The following GASK1A variants were observed in gnomAD, a reference collection of about 807,000 sequenced individuals.
The protein encoded by GASK1A is Golgi-associated kinase 1A.
A neutral mutation model predicts 41.2 loss-of-function variants in GASK1A; 40 were observed. That is an observed-to-expected ratio of 0.97 (90% CI 0.75 to 1.27). The LOEUF is 1.27. Among genes scored for constraint, GASK1A ranks in the 50% most tolerant of loss-of-function variants. The probability of loss-of-function intolerance (pLI) is 0.00; values close to 1 mark genes in which losing one functional copy is unlikely to be tolerated. For synonymous variants in GASK1A, 316 were observed against 307.1 expected (o/e 1.03, Z -0.30); for missense variants, 678 against 745.1 (o/e 0.91, Z 1.05).
chr3:43,025,292 A>G (rs557175282), intron 1 of GASK1A, among the ~76,000 whole-genome samples: 6 of 152,208 alleles, frequency 3.9e-5, no homozygotes, highest in South Asian at 4.2e-4. Flanking sequence ...AAAAATTTGC[A>G]AGACTTAGAT....
At position 43,029,036 on chromosome 3, in the gene GASK1A, C is replaced by T. The variant is rs1176163968; in HGVS notation, c.4-3231C>T. ...GGTGAGGGGGGAAGATATTTTAGCA[C>T]GTGGGTGCCAGAGGCCAGAGGGGAT... On this transcript the variant is annotated intron_variant, in intron 1 of 4. Transcript: ENST00000430121. 1.8e-4 allele frequency among the ~76,000 whole-genome samples: 28 copies of T among 152,080 alleles called. 1 individual carries two copies. Among genetic ancestry groups the T allele is most frequent in the Admixed American group, 1.7e-3 (26 of 15,276 alleles).
At chr3:43,021,380 C>T (rs552432875) in intron 1 of GASK1A, among the ~76,000 whole-genome samples, 1 of 152,276 alleles carries the variant, frequency 6.6e-6, no homozygotes, top group East Asian at 1.9e-4. Context: ...TTTCTCACTG[C>T]CCAGGTGGCT....
intron 1 of GASK1A, among the ~76,000 whole-genome samples, chr3:43,011,699 G>A (rs2089464267): frequency 6.6e-6 from 1 of 152,132 alleles, no homozygotes; most frequent in African/African-American, 2.4e-5. Context: ...ACAGGAAGGG[G>A]CTGTGTGGAG....
At chr3:43,037,974 T>C (rs2089613544) in intron 2 of GASK1A, among the ~76,000 whole-genome samples, 2 of 152,358 alleles carry the variant, frequency 1.3e-5, no homozygotes, top group Non-Finnish European at 2.9e-5. Context: ...GTTGATGTGG[T>C]TCTTTTGTGT....
At chr3:43,025,139 C>T (rs2089540820) in intron 1 of GASK1A, among the ~76,000 whole-genome samples, 1 of 152,128 alleles carries the variant, frequency 6.6e-6, no homozygotes, top group Non-Finnish European at 1.5e-5. Context: ...GGATATGATC[C>T]AGTTTGTGGC....
intron 2 of GASK1A, among the ~76,000 whole-genome samples, chr3:43,043,369 CT>C (rs1457756779): frequency 6.6e-6 from 1 of 152,236 alleles, no homozygotes; most frequent in Non-Finnish European, 1.5e-5. Context: ...CCTGGTATCC[CT>C]TCTTGGCAGA....
Position 43,055,745 on chromosome 3 carries a change from C to G in GASK1A, c.1517+210C>G. 7 of 550,984 alleles carry G rather than the reference C, an allele frequency of 1.3e-5. No individual in the cohort carries two copies. In the South Asian group the frequency reaches 1.4e-4, roughly 11 times the overall value. 34.1% of individuals were successfully genotyped at this position (550,984 alleles called of 1,614,324 possible). On this transcript the variant is annotated intron_variant, in intron 4 of 4. Coordinates refer to ENST00000430121, the MANE Select transcript of GASK1A (RefSeq NM_001129908.3). ...GCCTACCCCAATATCCAGAGGGCCT[C>G]GTGCCTGCAGAATACTAGCTGTATT...
intron 3 of GASK1A, 196 bp downstream of exon 3, chr3:43,053,839 G>A: frequency 1.4e-6 from 1 of 736,532 alleles, no homozygotes; most frequent in Non-Finnish European, 2.4e-6. Context: ...GGAGCTTTAA[G>A]AATGTGCCTG....
intron 1 of GASK1A, among the ~76,000 whole-genome samples, chr3:43,030,431 G>A (rs7643433): frequency 0.35 from 52,902 of 152,128 alleles, 9,828 homozygotes; most frequent in Non-Finnish European, 0.43. Flanking sequence ...AATGGGTTTC[G>A]TGGATGCTGC....
rs116426947 is a variant in GASK1A at position 42,999,404 on chromosome 3, G to A, written c.3+19759G>A. On this transcript the variant is annotated intron_variant, in intron 1 of 4. Coordinates refer to ENST00000430121, the MANE Select transcript of GASK1A (RefSeq NM_001129908.3). ...AGGTGCCCAGCAACCTCTGTCCTGG[G>A]TCTAGCTGTCAACCCCAAGCCTGCC... is the stretch of plus-strand genomic sequence containing the variant. Among the ~76,000 whole-genome samples the A allele has an allele frequency of 2.7e-3, 416 of 152,302 alleles. 2 individuals carry two copies. Among genetic ancestry groups the A allele is most frequent in the African/African-American group, 9.6e-3 (397 of 41,560 alleles).
chr3:43,018,902 A>G (rs2089507543), intron 1 of GASK1A, among the ~76,000 whole-genome samples: 1 of 152,158 alleles, frequency 6.6e-6, no homozygotes. Flanking sequence ...CTGGGGTGGC[A>G]CAGCAACTAG....
intron 1 of GASK1A, among the ~76,000 whole-genome samples, chr3:43,009,076 C>G (rs762225212): frequency 1.8e-4 from 27 of 152,244 alleles, no homozygotes; most frequent in Non-Finnish European, 3.2e-4. Context: ...TATGTTGAAT[C>G]CTCACAGCAA....
chr3:42,979,537 T>C lies in GASK1A; in HGVS notation c.-106T>C, dbSNP rs2089268887. Reference sequence around the variant, plus strand: ...GCCCCAGCCGAGTAGCCGCGCATCCTGGGAAGCCTGGCGAGCCACGGCGCC... The same window carrying C: ...GCCCCAGCCGAGTAGCCGCGCATCCCGGGAAGCCTGGCGAGCCACGGCGCC... On this transcript the variant is annotated 5_prime_UTR_variant, in exon 1 of 5. Coordinates refer to ENST00000430121, the MANE Select transcript of GASK1A (RefSeq NM_001129908.3). 8.4e-6 allele frequency: 10 copies of C among 1,184,476 alleles called. No homozygotes were observed. Among genetic ancestry groups the C allele is most frequent in the Non-Finnish European group, 9.5e-6 (9 of 942,702 alleles). The allele number at this position is 1,184,476 out of a possible 1,614,324, so 73.4% of individuals were successfully genotyped here. A position where few individuals can be genotyped will look rare whatever the true frequency, so the allele number is the denominator to read the frequency against.
Position 42,984,578 on chromosome 3 carries a change from G to GAA in GASK1A, c.3+4934_3+4935dup, listed in dbSNP as rs2089299104. Among the ~76,000 whole-genome samples, 1 of 152,182 alleles carries GAA rather than the reference G, an allele frequency of 6.6e-6. No homozygotes were observed. Among genetic ancestry groups the GAA allele is most frequent in the Non-Finnish European group, 1.5e-5 (1 of 68,026 alleles). ...AGGAAAGCAGGATGAGGGCTGATGT[G>GAA]AAGGGTGAGGAAACAGCAGGAGTAT... On this transcript the variant is annotated intron_variant, in intron 1 of 4. Transcript: ENST00000430121. This position sits in a 1 kb window ranked among gnomAD's most constrained non-coding sequence, Gnocchi z 4.2.
At chr3:43,045,606 G>A (rs2089657898) in intron 2 of GASK1A, among the ~76,000 whole-genome samples, 1 of 152,212 alleles carries the variant, frequency 6.6e-6, no homozygotes, top group Non-Finnish European at 1.5e-5. Flanking sequence ...AAACCACTGT[G>A]TTGGTAGCCT....
chr3:43,037,501 G>T, intron 2 of GASK1A: 1 of 498,788 alleles, frequency 2.0e-6, no homozygotes. Context: ...AGGTATTTAG[G>T]AATATCTGGA....
In GASK1A at chr3:43,044,146, G is replaced by A. The variant is rs186808877; in HGVS notation, c.1291-9375G>A. Among the ~76,000 whole-genome samples the A allele has an allele frequency of 4.0e-3, 609 of 152,298 alleles. 1 individual carries two copies. Among genetic ancestry groups the A allele is most frequent in the Middle Eastern group, 6.8e-3 (2 of 294 alleles). On this transcript the variant is annotated intron_variant, in intron 2 of 4. Transcript: ENST00000430121. ...CAGGGAGGGTTTGGTGGGAGCAAGG[G>A]GGTTTGGCTGACCATGCAGCAGGTG...
rs57113579 is a variant in GASK1A, at chr3:43,011,054, T to G, written c.4-21213T>G. Among the ~76,000 whole-genome samples, 173 of 152,296 alleles carry G rather than the reference T, an allele frequency of 1.1e-3. 4 individuals carry two copies. In the East Asian group the frequency reaches 0.031, roughly 27 times the overall value. ...GTGTTTTTAACTGTTCAAAATAGTTTTCTTCAAATGTGCCAAGAGGGCATT... is the reference window on the plus strand; with the variant it reads ...GTGTTTTTAACTGTTCAAAATAGTTGTCTTCAAATGTGCCAAGAGGGCATT... On this transcript the variant is annotated intron_variant, in intron 1 of 4. Transcript: ENST00000430121.
intron 1 of GASK1A, among the ~76,000 whole-genome samples, chr3:43,030,529 C>T (rs2089569426): frequency 6.6e-6 from 1 of 152,210 alleles, no homozygotes; most frequent in Non-Finnish European, 1.5e-5. Context: ...CTGGGCAAGG[C>T]CTTTCCTCCT....
Sources: gnomAD v4.1 joint callset for allele counts (sites outside exome capture counted in the v4.1 genomes callset) on GRCh38, gnomAD v4.1.1 for gene constraint, Gnocchi (gnomAD v3.1) non-coding constraint, MANE v1.5 for transcripts, NCBI Gene and HGNC (gene_info 2026-07-23, HGNC 2026-07-21) for gene names.